Variants in PDE10A observed in about 807,000 individuals in gnomAD.
The protein encoded by PDE10A is cAMP and cAMP-inhibited cGMP 3',5'-cyclic phosphodiesterase 10A.
In PDE10A, 39 loss-of-function variants were observed where a neutral mutation model predicts 97.7. That is an observed-to-expected ratio of 0.40 (90% CI 0.31 to 0.52). The LOEUF (loss-of-function observed/expected upper bound fraction) is 0.52, where lower values mean the gene tolerates loss of function less well. Ranked by LOEUF, PDE10A falls within the 20% of genes least tolerant of loss-of-function variation. PDE10A has a pLI of 0.56. For missense variants in PDE10A, 731 were observed against 1,047.8 expected, an observed-to-expected ratio of 0.70 and a Z score of 4.17; for synonymous variants, 371 against 376.8, an observed-to-expected ratio of 0.98 and a Z score of 0.18.
chr6:165,385,278 A>G lies in PDE10A; in HGVS notation c.2610+3020T>C, dbSNP rs551181319. On this transcript the variant is annotated intron_variant, in intron 17 of 21. Coordinates refer to ENST00000539869, the MANE Select transcript of PDE10A (RefSeq NM_001385079.1). ...TTCCTGGGTCAATGAGATTGCCACC[A>G]CAGAGATATAAAATACAAAAGGCAC... Among the ~76,000 whole-genome samples, 4 of 152,278 alleles carry G rather than the reference A, an allele frequency of 2.6e-5. No homozygotes were observed. The East Asian group carries it at 7.7e-4, about 29-fold the overall frequency.
At chr6:165,734,330 T>C (rs1792512417) in intron 1 of PDE10A, among the ~76,000 whole-genome samples, 1 of 151,956 alleles carries the variant, frequency 6.6e-6, no homozygotes, top group Non-Finnish European at 1.5e-5. Flanking sequence ...GCCACACACA[T>C]GCTTCTCACA....
intron 1 of PDE10A, among the ~76,000 whole-genome samples, chr6:165,856,415 C>G (rs914622689): frequency 6.6e-6 from 1 of 152,184 alleles, no homozygotes; most frequent in Admixed American, 6.5e-5. Context: ...ACCCTGGGTC[C>G]TGGTTCTCTT....
chr6:165,381,863 A>G (rs971915043), intron 17 of PDE10A, among the ~76,000 whole-genome samples: 2 of 152,112 alleles, frequency 1.3e-5, no homozygotes, highest in Admixed American at 1.3e-4. Context: ...ACAAGCAATG[A>G]AGCATAGCAG....
intron 1 of PDE10A, among the ~76,000 whole-genome samples, chr6:165,595,383 C>T (rs1485436846): frequency 6.6e-6 from 1 of 152,206 alleles, no homozygotes; most frequent in African/African-American, 2.4e-5. Flanking sequence ...AGATGGACAT[C>T]TGCAAAGTTA....
chr6:165,809,763 AG>A, intron 1 of PDE10A, among the ~76,000 whole-genome samples: 1 of 152,266 alleles, frequency 6.6e-6, no homozygotes, highest in East Asian at 1.9e-4. Context: ...CAGCCCTCCT[AG>A]TGGGTGAAAG....
At chr6:165,490,711 T>C (rs1292905276) in intron 2 of PDE10A, among the ~76,000 whole-genome samples, 1 of 152,178 alleles carries the variant, frequency 6.6e-6, no homozygotes, top group Non-Finnish European at 1.5e-5. Flanking sequence ...TCATGCCAGT[T>C]GGGGACACCA....
chr6:165,479,862 C>T (rs761871225), intron 3 of PDE10A, among the ~76,000 whole-genome samples: 3 of 152,206 alleles, frequency 2.0e-5, no homozygotes, highest in Middle Eastern at 3.4e-3. Flanking sequence ...GACATAAAAC[C>T]TACAGGTCTG....
intron 1 of PDE10A, among the ~76,000 whole-genome samples, chr6:165,817,781 A>G: frequency 6.6e-6 from 1 of 152,306 alleles, no homozygotes; most frequent in Non-Finnish European, 1.5e-5. Flanking sequence ...TCTGAACTCC[A>G]GTTTCCTGAC....
At chr6:165,632,257 A>C (rs1279425544) in intron 1 of PDE10A, among the ~76,000 whole-genome samples, 1 of 151,420 alleles carries the variant, frequency 6.6e-6, no homozygotes, top group Admixed American at 6.6e-5. Context: ...AACGGAATGA[A>C]CACCACCCTT....
chr6:165,758,252 G>A (rs1327098304), intron 1 of PDE10A, among the ~76,000 whole-genome samples: 23 of 152,144 alleles, frequency 1.5e-4, no homozygotes, highest in Admixed American at 1.4e-3. Context: ...CACGAGGTCA[G>A]GAGTTACAGA....
intron 1 of PDE10A, among the ~76,000 whole-genome samples, chr6:165,705,095 G>A (rs567437764): frequency 7.2e-5 from 11 of 152,328 alleles, no homozygotes; most frequent in African/African-American, 2.4e-4. Context: ...AGCATGGCAC[G>A]CACACCCAGG....
At chr6:165,650,273 G>A (rs2983526) in intron 1 of PDE10A, among the ~76,000 whole-genome samples, 96,085 of 151,984 alleles carry the variant, frequency 0.63, 31,111 homozygotes, top group African/African-American at 0.76. Flanking sequence ...TTGAATGGGA[G>A]ATAAGTTATA....
chr6:165,779,794 G>A (rs1778296808), intron 1 of PDE10A, among the ~76,000 whole-genome samples: 1 of 152,098 alleles, frequency 6.6e-6, no homozygotes, highest in Admixed American at 6.6e-5. Context: ...ACCTCCCTCT[G>A]CCTGTCCCTG....
chr6:165,402,853 T>C (rs1786774282), intron 13 of PDE10A, among the ~76,000 whole-genome samples: 2 of 152,162 alleles, frequency 1.3e-5, no homozygotes, highest in African/African-American at 2.4e-5. Flanking sequence ...TTGGGGCCTA[T>C]TTACACAATA....
chr6:165,815,166 C>A (rs1368564794), intron 1 of PDE10A, among the ~76,000 whole-genome samples: 1 of 152,168 alleles, frequency 6.6e-6, no homozygotes, highest in Non-Finnish European at 1.5e-5. Flanking sequence ...GGGCCCAGCT[C>A]CTTAAACACT....
intron 1 of PDE10A, among the ~76,000 whole-genome samples, chr6:165,753,730 A>T (rs1793057264): frequency 6.6e-6 from 1 of 152,186 alleles, no homozygotes; most frequent in Admixed American, 6.5e-5. Flanking sequence ...CATTTAATTC[A>T]CAGAAGTAAA....
intron 13 of PDE10A, among the ~76,000 whole-genome samples, chr6:165,396,817 T>A (rs1786209816): frequency 6.6e-6 from 1 of 152,220 alleles, no homozygotes; most frequent in Non-Finnish European, 1.5e-5. Context: ...CTTTTAAAGA[T>A]CATCGTAAGA....
At chr6:165,420,116 T>C (rs1249148574) in intron 10 of PDE10A, among the ~76,000 whole-genome samples, 1 of 152,188 alleles carries the variant, frequency 6.6e-6, no homozygotes, top group Non-Finnish European at 1.5e-5. Flanking sequence ...AAACCACTTC[T>C]CTTTTCCCAC....
chr6:165,346,555 C>T (rs1313063742), intron 18 of PDE10A, among the ~76,000 whole-genome samples: 1 of 152,142 alleles, frequency 6.6e-6, no homozygotes, highest in African/African-American at 2.4e-5. Context: ...TGCATGTTTG[C>T]CTGCTAAGTG....
Sources: gnomAD v4.1 joint callset for allele counts (sites outside exome capture counted in the v4.1 genomes callset) on GRCh38, gnomAD v4.1.1 for gene constraint, MANE v1.5 for transcripts, NCBI Gene and HGNC (gene_info 2026-07-23, HGNC 2026-07-21) for gene names.